The following AFG2A variants were observed in gnomAD, a reference collection of about 807,000 sequenced individuals.
AFG2A encodes the protein AAA ATPase AFG2A, also known as ATPase family gene 2 protein homolog A.
chr4:122,927,215 G>A, the AFG2A span, among the ~76,000 whole-genome samples: 3 of 152,178 alleles, frequency 2.0e-5, no homozygotes, highest in African/African-American at 7.2e-5. Context: ...TGACCATAAT[G>A]TGGGGCAGAA....
chr4:123,168,293 T>G, the AFG2A span, among the ~76,000 whole-genome samples: 3 of 152,162 alleles, frequency 2.0e-5, no homozygotes, highest in Non-Finnish European at 4.4e-5. Flanking sequence ...AGCTCCTCAC[T>G]GAGATGCTTG....
At chr4:123,181,351 C>A in the AFG2A span, among the ~76,000 whole-genome samples, 8,711 of 151,970 alleles carry the variant, frequency 0.057, 437 homozygotes, top group African/African-American at 0.13. Context: ...GTGATTCACA[C>A]ATGGTAGTTC....
the AFG2A span, among the ~76,000 whole-genome samples, chr4:123,199,205 T>A: frequency 6.7e-3 from 1,019 of 152,196 alleles, 13 homozygotes; most frequent in African/African-American, 0.023. Flanking sequence ...GATACAGATA[T>A]AGACATAGTC....
chr4:123,032,636 G>C, the AFG2A span, among the ~76,000 whole-genome samples: 16 of 152,100 alleles, frequency 1.1e-4, no homozygotes, highest in Non-Finnish European at 1.9e-4. Flanking sequence ...GGCTGGTGTC[G>C]GACTCCCGAC....
At chr4:122,972,496 T>C in the AFG2A span, among the ~76,000 whole-genome samples, 2 of 151,858 alleles carry the variant, frequency 1.3e-5, no homozygotes, top group Non-Finnish European at 2.9e-5. Context: ...TTTAATTTCT[T>C]CTTTTTCTAA....
the AFG2A span, among the ~76,000 whole-genome samples, chr4:123,041,148 T>C: frequency 6.6e-6 from 1 of 151,758 alleles, no homozygotes; most frequent in African/African-American, 2.4e-5. Flanking sequence ...TCTTGCTCTG[T>C]CACCCAGGCT....
At chr4:123,023,475 A>C in the AFG2A span, among the ~76,000 whole-genome samples, 1 of 152,226 alleles carries the variant, frequency 6.6e-6, no homozygotes, top group African/African-American at 2.4e-5. Flanking sequence ...CCAGTTAGTA[A>C]TGAAATGCAG....
chr4:123,139,217 T>G, the AFG2A span, among the ~76,000 whole-genome samples: 1 of 152,126 alleles, frequency 6.6e-6, no homozygotes, highest in Non-Finnish European at 1.5e-5. Context: ...TTGGCAACTT[T>G]CTCTTTGCAT....
chr4:123,072,778 G>A, the AFG2A span, among the ~76,000 whole-genome samples: 21 of 140,756 alleles, frequency 1.5e-4, no homozygotes, highest in African/African-American at 5.1e-4. Flanking sequence ...TAGTTCAAGA[G>A]TTTTGTGATA....
chr4:123,134,605 T>A, the AFG2A span, among the ~76,000 whole-genome samples: 1 of 151,538 alleles, frequency 6.6e-6, no homozygotes, highest in Admixed American at 6.6e-5. Flanking sequence ...ATTTTTTTTT[T>A]TTTTTTTGCA....
At chr4:123,225,150 A>G in the AFG2A span, among the ~76,000 whole-genome samples, 1 of 152,096 alleles carries the variant, frequency 6.6e-6, no homozygotes, top group Non-Finnish European at 1.5e-5. Context: ...ATTTTCTCCC[A>G]TTCTGTAGGT....
At chr4:123,022,617 G>A in the AFG2A span, among the ~76,000 whole-genome samples, 1 of 148,842 alleles carries the variant, frequency 6.7e-6, no homozygotes, top group Non-Finnish European at 1.5e-5. Flanking sequence ...CATTGTGGAA[G>A]TCAGTGTGGC....
chr4:123,287,415 T>C, the AFG2A span, among the ~76,000 whole-genome samples: 1 of 152,180 alleles, frequency 6.6e-6, no homozygotes, highest in Non-Finnish European at 1.5e-5. Flanking sequence ...GGGGTATTTT[T>C]TAGTTCTTGA....
chr4:123,297,944 A>G, the AFG2A span, among the ~76,000 whole-genome samples: 3 of 152,092 alleles, frequency 2.0e-5, no homozygotes, highest in Non-Finnish European at 4.4e-5. Flanking sequence ...GATAGAGGGC[A>G]GTTTTTACAT....
the AFG2A span, among the ~76,000 whole-genome samples, chr4:123,270,610 G>A: frequency 6.6e-6 from 1 of 152,042 alleles, no homozygotes; most frequent in Non-Finnish European, 1.5e-5. Context: ...ATAGCTCATG[G>A]AATTAAAGAG....
the AFG2A span, among the ~76,000 whole-genome samples, chr4:123,161,320 T>C: frequency 6.6e-6 from 1 of 152,132 alleles, no homozygotes; most frequent in East Asian, 1.9e-4. Context: ...ATAAAACTAA[T>C]TTGATGACAA....
the AFG2A span, among the ~76,000 whole-genome samples, chr4:122,980,133 A>T: frequency 6.6e-6 from 1 of 152,200 alleles, no homozygotes; most frequent in Non-Finnish European, 1.5e-5. Context: ...CACCCACCTC[A>T]TTCCTCCCCT....
At chr4:123,309,631 A>C in the AFG2A span, among the ~76,000 whole-genome samples, 1 of 152,208 alleles carries the variant, frequency 6.6e-6, no homozygotes, top group African/African-American at 2.4e-5. Flanking sequence ...TGGGGAACAG[A>C]ATATATACAG....
the AFG2A span, among the ~76,000 whole-genome samples, chr4:123,132,616 G>T: frequency 1.4e-5 from 1 of 73,164 alleles, no homozygotes; most frequent in African/African-American, 4.3e-5. Flanking sequence ...ATATATATAT[G>T]TGCATATATA....
Sources: gnomAD v4.1 joint callset for allele counts (sites outside exome capture counted in the v4.1 genomes callset) on GRCh38, gnomAD v4.1.1 for gene constraint, MANE v1.5 for transcripts, NCBI Gene and HGNC (gene_info 2026-07-23, HGNC 2026-07-21) for gene names.